Variants in NME9 observed in about 807,000 individuals in gnomAD.
NME9 encodes the protein thioredoxin domain-containing protein 6.
Under a neutral mutation model 44.4 loss-of-function variants are expected in NME9, and 48 were observed. That is an observed-to-expected ratio of 1.08 (90% CI 0.86 to 1.37). The LOEUF (loss-of-function observed/expected upper bound fraction) is 1.37. Ranked by LOEUF, NME9 falls within the 40% of genes most tolerant of loss-of-function variation. NME9 has a pLI of 0.00. For synonymous variants in NME9, 139 were observed against 147.1 expected, an observed-to-expected ratio of 0.94 and a Z score of 0.40; for missense variants, 325 against 405.2, an observed-to-expected ratio of 0.80 and a Z score of 1.70.
chr3:138,317,900 C>T (rs1477189998), intron 4 of NME9, among the ~76,000 whole-genome samples: 1 of 152,210 alleles, frequency 6.6e-6, no homozygotes, highest in African/African-American at 2.4e-5. Flanking sequence ...ACAGGGCCCT[C>T]AGGCTGCCAT....
chr3:138,329,434 C>T lies in NME9; in HGVS notation c.-99G>A. 6.6e-7 allele frequency: 1 copy of T among 1,523,684 alleles called. No individual in the cohort carries two copies. Among genetic ancestry groups the T allele is most frequent in the Non-Finnish European group, 8.8e-7 (1 of 1,140,996 alleles). The allele number at this position is 1,523,684 out of a possible 1,614,324, so 94.4% of individuals were successfully genotyped here. A position where few individuals can be genotyped will look rare whatever the true frequency, so the allele number is the denominator to read the frequency against. ...GCGTGGATCAGCAAGCCCAGAGCCT[C>T]CTTCAGACAAGCCCCCCTCCTACGG... On this transcript the variant is annotated 5_prime_UTR_variant, in exon 1 of 11. Coordinates refer to ENST00000333911, the MANE Select transcript of NME9 (RefSeq NM_001349018.2).
chr3:138,276,285 C>G (rs1259220639), intron 8 of NME9, among the ~76,000 whole-genome samples: 1 of 152,206 alleles, frequency 6.6e-6, no homozygotes, highest in Admixed American at 6.5e-5. Context: ...AATTGACATA[C>G]AATAAGCTGC....
intron 8 of NME9, among the ~76,000 whole-genome samples, chr3:138,291,049 A>G (rs932019746): frequency 2.6e-5 from 4 of 152,232 alleles, no homozygotes; most frequent in African/African-American, 9.6e-5. Context: ...AAAAGCTACC[A>G]CTAAGGAATC....
chr3:138,329,325 C>G lies in NME9; in HGVS notation c.11G>C (p.Arg4Thr). 1 of 1,536,150 alleles carries G rather than the reference C, an allele frequency of 6.5e-7. No individual in the cohort carries two copies. Among genetic ancestry groups the G allele is most frequent in the East Asian group, 2.4e-5 (1 of 40,906 alleles). The change falls in exon 1 of 11, where the codon AGG (arginine) becomes ACG (threonine). Residue 4 changes from arginine (R) to threonine (T), a missense_variant. Coordinates refer to ENST00000333911, the MANE Select transcript of NME9 (RefSeq NM_001349018.2). ...TACCTGCAGGGCAATTTCCTTCTTC[C>G]TGCTGCCCATGGCTCTGCAAAGAAG... Reference protein sequence around the residue: MGSRKKEIALQVNI... With the variant: MGSTKKEIALQVNI...
At chr3:138,307,540 A>G (rs1026374806) in intron 6 of NME9, among the ~76,000 whole-genome samples, 1 of 152,242 alleles carries the variant, frequency 6.6e-6, no homozygotes, top group Non-Finnish European at 1.5e-5. Flanking sequence ...CTGCAAATGT[A>G]TAAATCATTT....
At chr3:138,284,895 TC>T (rs1055736531) in intron 8 of NME9, among the ~76,000 whole-genome samples, 1 of 152,186 alleles carries the variant, frequency 6.6e-6, no homozygotes, top group African/African-American at 2.4e-5. Flanking sequence ...GCACCATAGT[TC>T]CTTTACCTGT....
chr3:138,274,655 A>G lies in NME9; in HGVS notation c.746-12069T>C, dbSNP rs2049101544. The stretch of plus-strand genomic sequence containing the variant: ...GCAGAAGACAGAGTGCTGAGATGGG[A>G]GATGCTCTAGAAATAGGAAGAAATA... On this transcript the variant is annotated intron_variant, in intron 8 of 8. Transcript: ENST00000317876. 3 of 736,568 alleles carry G rather than the reference A, an allele frequency of 4.1e-6. No homozygotes were observed. The Admixed American group carries it at 7.9e-5, about 19-fold the overall frequency. 45.6% of individuals were successfully genotyped at this position (736,568 alleles called of 1,614,324 possible).
At position 138,269,607 on chromosome 3, in the gene NME9, A is replaced by T. The variant is rs572026412; in HGVS notation, c.746-7021T>A. ...TTCCTTTATATTTCTTTCCTTTACC[A>T]ACCATATTACTTCATAGAGTTCGTA... is the stretch of plus-strand genomic sequence containing the variant. On this transcript the variant is annotated intron_variant, in intron 8 of 8. Coordinates refer to the NME9 transcript ENST00000317876. Among the ~76,000 whole-genome samples, 7 of 152,290 alleles carry T rather than the reference A, an allele frequency of 4.6e-5. No individual in the cohort carries two copies. The East Asian group carries it at 1.4e-3, about 29-fold the overall frequency.
intron 6 of NME9, among the ~76,000 whole-genome samples, chr3:138,309,546 A>T (rs1167350999): frequency 6.7e-6 from 1 of 148,442 alleles, no homozygotes; most frequent in African/African-American, 2.5e-5. Flanking sequence ...TTAGTTGGGC[A>T]TGGTGGCACA....
intron 8 of NME9, among the ~76,000 whole-genome samples, chr3:138,276,484 A>G (rs1363172618): frequency 6.6e-6 from 1 of 152,218 alleles, no homozygotes; most frequent in African/African-American, 2.4e-5. Flanking sequence ...GGCAAGAAAA[A>G]GAAATAAGAG....
chr3:138,311,444 G>A (rs971068613), intron 6 of NME9, among the ~76,000 whole-genome samples: 24 of 152,068 alleles, frequency 1.6e-4, no homozygotes, highest in Admixed American at 3.9e-4. Context: ...ACAACAAAAC[G>A]AGAAAACCAG....
intron 8 of NME9, among the ~76,000 whole-genome samples, chr3:138,292,127 T>G (rs925824540): frequency 6.6e-6 from 1 of 152,228 alleles, no homozygotes; most frequent in African/African-American, 2.4e-5. Context: ...AACCTCTGCC[T>G]CCTGAGTTCA....
At chr3:138,278,713 GTCT>G (rs560583948) in intron 8 of NME9, among the ~76,000 whole-genome samples, 41 of 152,124 alleles carry the variant, frequency 2.7e-4, no homozygotes, top group Non-Finnish European at 5.6e-4. Context: ...AATTATTTAG[GTCT>G]TCTTTAATTC....
chr3:138,325,627 C>CG (rs1437832666), intron 1 of NME9, among the ~76,000 whole-genome samples: 2 of 151,938 alleles, frequency 1.3e-5, no homozygotes, highest in African/African-American at 4.8e-5. Flanking sequence ...AGGCTGGTCT[C>CG]GAACTCCTGA....
In NME9 at chr3:138,315,509, G is replaced by A. The variant is rs2053010113; in HGVS notation, c.384+18C>T. ...CGCACTTGTGAGTTAGCTGCTTATA[G>A]AAGTGACCTCCAGTTACCACTTTCC... On this transcript the variant is annotated intron_variant, in intron 5 of 10. Coordinates refer to ENST00000333911, the MANE Select transcript of NME9 (RefSeq NM_001349018.2). 1 of 1,509,734 alleles carries A rather than the reference G, an allele frequency of 6.6e-7. No homozygotes were observed. Among genetic ancestry groups the A allele is most frequent in the Non-Finnish European group, 8.9e-7 (1 of 1,122,866 alleles). The allele number at this position is 1,509,734 out of a possible 1,614,324, so 93.5% of individuals were successfully genotyped here. A position where few individuals can be genotyped will look rare whatever the true frequency, so the allele number is the denominator to read the frequency against.
rs2049508221 is a variant in NME9, at chr3:138,278,296, CAGA to C, written c.746-15713_746-15711del. Among the ~76,000 whole-genome samples the C allele has an allele frequency of 2.6e-5, 4 of 151,936 alleles. No homozygotes were observed. In the South Asian group the frequency reaches 8.3e-4, roughly 32 times the overall value. ...CTGAGGCAGGCGGATCACTTGAGGT[CAGA>C]AGTTCAGGACCAGCCTAGCAACATG... On this transcript the variant is annotated intron_variant, in intron 8 of 8. Coordinates refer to the NME9 transcript ENST00000317876.
At chr3:138,284,659 ACTCTCTTCCATC>A in intron 8 of NME9, 1 of 656,166 alleles carries the variant, frequency 1.5e-6, no homozygotes, top group Non-Finnish European at 2.6e-6. Flanking sequence ...GATTCAAAGA[ACTCTCTTCCATC>A]CTGAAGAAAA....
chr3:138,287,534 C>A, intron 8 of NME9: 2 of 407,034 alleles, frequency 4.9e-6, no homozygotes, highest in South Asian at 1.8e-5. Flanking sequence ...ATAGTAAATG[C>A]ATATTTGTTA....
At chr3:138,322,369 G>A (rs61244270) in intron 2 of NME9, among the ~76,000 whole-genome samples, 1,882 of 151,130 alleles carry the variant, frequency 0.012, 44 homozygotes, top group African/African-American at 0.042. Flanking sequence ...TGGAGGAAGC[G>A]GGGGTGGGGG....
Sources: gnomAD v4.1 joint callset for allele counts (sites outside exome capture counted in the v4.1 genomes callset) on GRCh38, gnomAD v4.1.1 for gene constraint, MANE v1.5 for transcripts, NCBI Gene and HGNC (gene_info 2026-07-23, HGNC 2026-07-21) for gene names.